TDRD3: variants seen among roughly 807,000 people sequenced by gnomAD.
TDRD3 encodes the protein tudor domain-containing protein 3.
A neutral mutation model predicts 86.7 loss-of-function variants in TDRD3; 45 were observed. The observed-to-expected ratio is 0.52, with a 90% confidence interval of 0.41 to 0.67. The LOEUF (loss-of-function observed/expected upper bound fraction) is 0.67. Ranked by LOEUF, TDRD3 falls within the 30% of genes least tolerant of loss-of-function variation. The pLI, the probability that TDRD3 is intolerant of heterozygous loss-of-function variation, is 0.00. For missense variants in TDRD3, 814 were observed against 889.0 expected, an observed-to-expected ratio of 0.92 and a Z score of 1.07; for synonymous variants, 298 against 301.7, an observed-to-expected ratio of 0.99 and a Z score of 0.13.
Position 60,529,134 on chromosome 13 carries a change from C to A in TDRD3, c.1909C>A (p.Leu637Ile). Residue 637 changes from leucine to isoleucine, a missense_variant, in exon 11 of 14, where the codon CTA (leucine) becomes ATA (isoleucine). Transcript: ENST00000377881. ...TGGGCCAATTAAGCCAGAAAAAATA[C>A]TAGAATCATCTATTCCTATGGAGTA... ...RSGPIKPEKI[L>I]ESSIPMEYAK... The A allele has an allele frequency of 6.2e-7, 1 of 1,613,854 alleles. No individual in the cohort carries two copies. The highest frequency in any genetic ancestry group is 8.5e-7 in the Non-Finnish European group (1 of 1,179,878).
chr13:60,419,590 A>G (rs1382253317), intron 1 of TDRD3, among the ~76,000 whole-genome samples: 1 of 152,064 alleles, frequency 6.6e-6, no homozygotes, highest in Non-Finnish European at 1.5e-5. Context: ...GTGAGAACAC[A>G]TGGACACAGA....
chr13:60,525,322 C>T (rs952292514), intron 10 of TDRD3, among the ~76,000 whole-genome samples: 18 of 150,582 alleles, frequency 1.2e-4, no homozygotes, highest in African/African-American at 9.7e-5. Context: ...TACAGGGCCG[C>T]GCCACCAAGC....
chr13:60,407,265 A>G lies in TDRD3; in HGVS notation c.41+9860A>G, dbSNP rs886964847. On this transcript the variant is annotated intron_variant, in intron 1 of 13. Transcript: ENST00000377881. ...TATTCCAAGCATTTAGCACGATGTA[A>G]GGTGCACAGTAGACACTTAAATACT... 4.6e-5 allele frequency among the ~76,000 whole-genome samples: 7 copies of G among 152,166 alleles called. No homozygotes were observed. In the East Asian group the frequency reaches 1.3e-3, roughly 29 times the overall value.
chr13:60,512,629 CA>C (rs1414710241), intron 10 of TDRD3, among the ~76,000 whole-genome samples: 2 of 152,162 alleles, frequency 1.3e-5, no homozygotes, highest in African/African-American at 4.8e-5. Context: ...TTGGCCAAAA[CA>C]AAGGGGCTAC....
At chr13:60,511,140 A>G (rs1361086639) in intron 10 of TDRD3, among the ~76,000 whole-genome samples, 2 of 152,170 alleles carry the variant, frequency 1.3e-5, no homozygotes, top group Non-Finnish European at 2.9e-5. Context: ...TGTTCACACA[A>G]TGAGTGAAAA....
intron 1 of TDRD3, among the ~76,000 whole-genome samples, chr13:60,415,849 G>C (rs977084494): frequency 6.6e-6 from 1 of 152,050 alleles, no homozygotes; most frequent in African/African-American, 2.4e-5. Flanking sequence ...AAGAGATCAA[G>C]GCTCAAGCAA....
intron 5 of TDRD3, among the ~76,000 whole-genome samples, chr13:60,470,465 C>T (rs371838894): frequency 2.6e-4 from 40 of 152,168 alleles, no homozygotes; most frequent in South Asian, 8.3e-4. Flanking sequence ...ATTTACTTTA[C>T]ACTCATTTCC....
rs1957497267 is a variant in TDRD3 at position 60,528,428 on chromosome 13, A to G, written c.1203A>G (p.Gln401=). 6.2e-7 allele frequency: 1 copy of G among 1,610,776 alleles called. No individual in the cohort carries two copies. Among genetic ancestry groups the G allele is most frequent in the African/African-American group, 1.3e-5 (1 of 74,892 alleles). The change falls in exon 11 of 14, where the codon CAA becomes CAG. Residue 401 remains glutamine (Q), a synonymous_variant. Transcript: ENST00000377881. ...QGQYRSSNTE[Q]NGVKDNNHLR... Reference sequence around the variant, plus strand: ...AATACAGATCATCAAATACTGAGCAAAATGGAGTAAAAGATAATAATCATC... The same window carrying G: ...AATACAGATCATCAAATACTGAGCAGAATGGAGTAAAAGATAATAATCATC...
intron 7 of TDRD3, among the ~76,000 whole-genome samples, chr13:60,488,109 G>T (rs750099014): frequency 6.6e-5 from 10 of 152,094 alleles, no homozygotes; most frequent in Non-Finnish European, 1.5e-4. Context: ...AGGAAAGAAG[G>T]CTTTATTTGG....
chr13:60,422,935 C>G (rs1032977755), intron 1 of TDRD3, among the ~76,000 whole-genome samples: 14 of 151,954 alleles, frequency 9.2e-5, no homozygotes, highest in African/African-American at 3.4e-4. Flanking sequence ...GATGTAAATC[C>G]ACACATTGAA....
intron 3 of TDRD3, among the ~76,000 whole-genome samples, chr13:60,445,230 A>T (rs1025278673): frequency 3.3e-5 from 5 of 152,110 alleles, no homozygotes; most frequent in African/African-American, 1.2e-4. Context: ...CGTGTTATGA[A>T]TTTTTTTGCG....
At chr13:60,488,579 T>G (rs1168726517) in intron 7 of TDRD3, among the ~76,000 whole-genome samples, 5 of 148,482 alleles carry the variant, frequency 3.4e-5, no homozygotes, top group South Asian at 2.1e-4. Flanking sequence ...GGTTTTTTTG[T>G]TTTTTTTTAT....
intron 12 of TDRD3, among the ~76,000 whole-genome samples, chr13:60,557,444 C>T (rs182579677): frequency 3.9e-5 from 6 of 152,228 alleles, no homozygotes; most frequent in African/African-American, 1.4e-4. Context: ...AGCTTTAGTA[C>T]TCAGCCTGAT....
chr13:60,397,264 TTTC>T lies in TDRD3; in HGVS notation c.-98_-96del. The stretch of plus-strand genomic sequence containing the variant: ...AGAGCCGACCAGAGGAGTTTTTTCT[TTTC>T]TTTTCTTTTTTTTTTTTTAAGGGGG... On this transcript the variant is annotated 5_prime_UTR_variant, in exon 1 of 14. Transcript: ENST00000377881. 1.5e-6 allele frequency: 1 copy of T among 684,774 alleles called. No individual in the cohort carries two copies. Among genetic ancestry groups the T allele is most frequent in the African/African-American group, 1.9e-5 (1 of 51,900 alleles). The allele number at this position is 684,774 out of a possible 1,614,324, so 42.4% of individuals were successfully genotyped here. A position where few individuals can be genotyped will look rare whatever the true frequency, so the allele number is the denominator to read the frequency against.
chr13:60,420,714 G>A (rs879787613), intron 1 of TDRD3, among the ~76,000 whole-genome samples: 8 of 152,120 alleles, frequency 5.3e-5, no homozygotes, highest in Admixed American at 1.3e-4. Flanking sequence ...AGGCCGAGGC[G>A]GGTGGATCAT....
At chr13:60,511,314 A>G (rs1488224620) in intron 10 of TDRD3, among the ~76,000 whole-genome samples, 4 of 152,358 alleles carry the variant, frequency 2.6e-5, no homozygotes, top group African/African-American at 9.6e-5. Flanking sequence ...AAGGAAATAT[A>G]CTTTTAAATT....
chr13:60,420,206 T>C (rs1954620678), intron 1 of TDRD3, among the ~76,000 whole-genome samples: 1 of 152,102 alleles, frequency 6.6e-6, no homozygotes, highest in Non-Finnish European at 1.5e-5. Flanking sequence ...CAAAAAGAAA[T>C]TGGATTGTTG....
At chr13:60,453,033 T>C (rs1046786662) in intron 3 of TDRD3, among the ~76,000 whole-genome samples, 1 of 152,150 alleles carries the variant, frequency 6.6e-6, no homozygotes, top group African/African-American at 2.4e-5. Context: ...CTGCTTTTTT[T>C]CCTCAACTTC....
intron 1 of TDRD3, among the ~76,000 whole-genome samples, chr13:60,437,015 A>AGTT (rs3081887): frequency 0.49 from 73,108 of 150,736 alleles, 18,033 homozygotes; most frequent in South Asian, 0.55. Context: ...TGTCTGTGTG[A>AGTT]GCTGAAGTAT....
Sources: allele counts gnomAD v4.1 joint callset (sites outside exome capture counted in the v4.1 genomes callset), GRCh38; gene constraint gnomAD v4.1.1; transcripts MANE v1.5; gene names NCBI Gene and HGNC (gene_info 2026-07-23, HGNC 2026-07-21).